Variants in DTNA observed in about 807,000 individuals in gnomAD.
The protein encoded by DTNA is dystrobrevin alpha, also known as dystrophin-related protein 3.
A neutral mutation model predicts 100.7 loss-of-function variants in DTNA; 43 were observed. The observed-to-expected ratio is 0.43, with a 90% CI of 0.33 to 0.55. The LOEUF (loss-of-function observed/expected upper bound fraction) is 0.55, where lower values mean the gene tolerates loss of function less well. Among genes scored for constraint, DTNA ranks in the 20% least tolerant of loss-of-function variants. The probability of loss-of-function intolerance (pLI) is 0.04; values close to 1 mark genes in which losing one functional copy is unlikely to be tolerated. For missense variants in DTNA, 798 were observed against 953.9 expected (o/e 0.84, Z 2.15); for synonymous variants, 349 against 347.9 (o/e 1.00, Z -0.04).
chr18:34,744,254 C>T (rs1209877043), intron 1 of DTNA, among the ~76,000 whole-genome samples: 1 of 152,038 alleles, frequency 6.6e-6, no homozygotes, highest in Non-Finnish European at 1.5e-5. Flanking sequence ...TAAAAATCAC[C>T]CCAAATAAAT....
At chr18:34,688,818 T>C (rs1447644875) in intron 1 of DTNA, among the ~76,000 whole-genome samples, 3 of 152,178 alleles carry the variant, frequency 2.0e-5, no homozygotes, top group Non-Finnish European at 4.4e-5. Flanking sequence ...TAGTACCATA[T>C]TTCTTGGAGG....
chr18:34,779,780 C>T (rs1279985996), intron 3 of DTNA, among the ~76,000 whole-genome samples: 1 of 152,086 alleles, frequency 6.6e-6, no homozygotes, highest in Non-Finnish European at 1.5e-5. Context: ...AAAAATTTAA[C>T]TGGGGCAGCA....
At chr18:34,788,812 A>T (rs949365098) in intron 3 of DTNA, among the ~76,000 whole-genome samples, 3 of 152,210 alleles carry the variant, frequency 2.0e-5, no homozygotes, top group African/African-American at 7.2e-5. Flanking sequence ...TGATTAATTT[A>T]TTGAAATTGG....
At chr18:34,790,834 G>A (rs182891478) in intron 3 of DTNA, among the ~76,000 whole-genome samples, 6 of 152,278 alleles carry the variant, frequency 3.9e-5, no homozygotes, top group African/African-American at 1.2e-4. Context: ...ATTGGGTAAC[G>A]AAATTGGGTG....
At chr18:34,689,660 G>C (rs1317520298) in intron 1 of DTNA, among the ~76,000 whole-genome samples, 1 of 152,222 alleles carries the variant, frequency 6.6e-6, no homozygotes, top group Non-Finnish European at 1.5e-5. Flanking sequence ...TCCCTTAGCA[G>C]AGCTCGAGTG....
intron 3 of DTNA, among the ~76,000 whole-genome samples, chr18:34,792,616 A>C (rs1263467582): frequency 6.6e-6 from 1 of 152,240 alleles, no homozygotes; most frequent in Admixed American, 6.5e-5. Flanking sequence ...AGAATAAACA[A>C]AATATTTATT....
intron 1 of DTNA, among the ~76,000 whole-genome samples, chr18:34,540,812 C>T (rs1023058598): frequency 6.6e-6 from 1 of 152,044 alleles, no homozygotes; most frequent in African/African-American, 2.4e-5. Flanking sequence ...CTTCTCTAAA[C>T]CAGACATGAT....
chr18:34,837,685 T>C (rs2096181058), intron 11 of DTNA, among the ~76,000 whole-genome samples: 1 of 152,186 alleles, frequency 6.6e-6, no homozygotes, highest in African/African-American at 2.4e-5. Context: ...TTCAAGTCTT[T>C]CTATCCAGAA....
intron 1 of DTNA, among the ~76,000 whole-genome samples, chr18:34,599,083 G>C (rs940260914): frequency 2.0e-5 from 3 of 152,112 alleles, no homozygotes; most frequent in African/African-American, 7.2e-5. Flanking sequence ...GTGAGGCTTT[G>C]ATACGCCAAC....
intron 2 of DTNA, 128 bp downstream of exon 2, chr18:34,756,171 G>A: frequency 1.8e-6 from 2 of 1,123,814 alleles, no homozygotes; most frequent in East Asian, 2.6e-5. Context: ...TTCATGAAGT[G>A]TACATTTTGG....
chr18:34,647,602 C>G (rs771964928), intron 1 of DTNA, among the ~76,000 whole-genome samples: 14 of 152,150 alleles, frequency 9.2e-5, no homozygotes, highest in Non-Finnish European at 1.9e-4. Context: ...CCATATGTTC[C>G]TAAAAATGAG....
At chr18:34,644,493 T>C (rs1438943888) in intron 1 of DTNA, among the ~76,000 whole-genome samples, 12 of 152,152 alleles carry the variant, frequency 7.9e-5, no homozygotes, top group Admixed American at 7.9e-4. Flanking sequence ...ATTTAAATCT[T>C]ACTAGGGAGT....
At chr18:34,705,709 C>A (rs923393130), upstream of DTNA, among the ~76,000 whole-genome samples, 1 of 152,088 alleles carries the variant, frequency 6.6e-6, no homozygotes, top group Non-Finnish European at 1.5e-5. Context: ...GGAATCTATT[C>A]TAAGGAAATA....
chr18:34,762,534 C>A (rs1383515374), intron 2 of DTNA, among the ~76,000 whole-genome samples: 1 of 152,122 alleles, frequency 6.6e-6, no homozygotes, highest in Non-Finnish European at 1.5e-5. Context: ...CAAGAAAAGA[C>A]CACACATGTA....
chr18:34,799,948 A>G (rs536605195), intron 4 of DTNA, among the ~76,000 whole-genome samples: 2 of 152,244 alleles, frequency 1.3e-5, no homozygotes, highest in East Asian at 3.9e-4. Context: ...TTTTGCTAAC[A>G]TTGTGGAGGG....
At position 34,871,584 on chromosome 18, in the gene DTNA, A is replaced by G. The variant is rs576116060; in HGVS notation, c.1744-3655A>G. Among the ~76,000 whole-genome samples the G allele has an allele frequency of 8.5e-5, 13 of 152,314 alleles. 1 individual carries two copies. Among genetic ancestry groups the G allele is most frequent in the African/African-American group, 3.1e-4 (13 of 41,566 alleles). The stretch of plus-strand genomic sequence containing the variant: ...ACTCTTCTACAGTTGTTAGCAGACA[A>G]CCATGCCTCATGACCAGGCTGGAGG... On this transcript the variant is annotated intron_variant, in intron 17 of 22. Transcript: ENST00000444659.
chr18:34,826,971 A>G (rs903056969), intron 9 of DTNA, among the ~76,000 whole-genome samples: 1 of 152,232 alleles, frequency 6.6e-6, no homozygotes, highest in Non-Finnish European at 1.5e-5. Flanking sequence ...TATCATAAGA[A>G]AACAAGTGAA....
intron 4 of DTNA, among the ~76,000 whole-genome samples, chr18:34,796,904 A>C (rs1210125089): frequency 6.6e-6 from 1 of 152,164 alleles, no homozygotes; most frequent in East Asian, 1.9e-4. Flanking sequence ...ACCTTCGCAC[A>C]GCCATAGCTC....
At chr18:34,640,491 C>T (rs1269720560) in intron 1 of DTNA, among the ~76,000 whole-genome samples, 1 of 152,248 alleles carries the variant, frequency 6.6e-6, no homozygotes, top group Non-Finnish European at 1.5e-5. Flanking sequence ...ATACCTAATG[C>T]CCATGGCAAG....
Sources: allele counts gnomAD v4.1 joint callset (sites outside exome capture counted in the v4.1 genomes callset), GRCh38; gene constraint gnomAD v4.1.1; transcripts MANE v1.5; gene names NCBI Gene and HGNC (gene_info 2026-07-23, HGNC 2026-07-21).